Variants in KLRB1 observed in about 807,000 individuals in gnomAD.
KLRB1 encodes the protein killer cell lectin-like receptor subfamily B member 1.
Under a neutral mutation model 33.5 loss-of-function variants are expected in KLRB1, and 27 were observed. That is an observed-to-expected ratio of 0.81 (90% CI 0.59 to 1.11). The LOEUF (loss-of-function observed/expected upper bound fraction) is 1.11, where lower values mean the gene tolerates loss of function less well. Ranked by LOEUF, KLRB1 falls within the 50% of genes most tolerant of loss-of-function variation. The probability of loss-of-function intolerance (pLI) is 0.00; values close to 1 mark genes in which losing one functional copy is unlikely to be tolerated. For missense variants in KLRB1, 241 were observed against 254.1 expected (o/e 0.95, Z 0.35); for synonymous variants, 64 against 88.9 (o/e 0.72, Z 1.58).
At chr12:9,607,630 C>A (rs1270882358) in intron 1 of KLRB1, 125 bp downstream of exon 1, 2 of 653,704 alleles carry the variant, frequency 3.1e-6, no homozygotes, top group Admixed American at 2.8e-5. Flanking sequence ...CCATGCAACA[C>A]CCGTTAAACA....
chr12:9,603,838 T>G (rs1290658754), intron 1 of KLRB1, among the ~76,000 whole-genome samples: 2 of 152,142 alleles, frequency 1.3e-5, no homozygotes, highest in African/African-American at 4.8e-5. Flanking sequence ...GAACATGTTA[T>G]TTTGGAAAAT....
rs1368458977 is a variant in KLRB1 at position 9,595,227 on chromosome 12, A to G, written c.*47T>C. 2 of 1,560,624 alleles carry G rather than the reference A, an allele frequency of 1.3e-6. No homozygotes were observed. The highest frequency in any genetic ancestry group is 1.4e-5 in the African/African-American group (1 of 73,734). ...ACCAATAGTATGTGCAGCTACAAGTACAGAGATCAGTAATGGGAAGCAAAT... is the reference window on the plus strand; with the variant it reads ...ACCAATAGTATGTGCAGCTACAAGTGCAGAGATCAGTAATGGGAAGCAAAT... On this transcript the variant is annotated 3_prime_UTR_variant, in exon 6 of 6. Transcript: ENST00000229402.
chr12:9,606,707 A>ATATTTTTTTTTTTTTTTTTTTTT (rs1864605364), intron 1 of KLRB1, among the ~76,000 whole-genome samples: 1 of 64,204 alleles, frequency 1.6e-5, no homozygotes, highest in Non-Finnish European at 3.3e-5. Flanking sequence ...ATATATATAT[A>ATATTTTTTTTTTTTTTTTTTTTT]AAATATATAA....
intron 1 of KLRB1, among the ~76,000 whole-genome samples, chr12:9,607,212 T>TTTCC (rs760188939): frequency 3.3e-5 from 5 of 151,806 alleles, no homozygotes; most frequent in Non-Finnish European, 1.5e-5. Context: ...GTAAAATATT[T>TTTCC]TTCCTTCCTT....
chr12:9,595,080 G>T lies in KLRB1; in HGVS notation c.*194C>A. On this transcript the variant is annotated 3_prime_UTR_variant, in exon 6 of 6. Transcript: ENST00000229402. ...TAAAACGATGCACGTTTTTCTCTAT[G>T]TCTCTGTTTCCTCATTTAATAGAAT... The T allele has an allele frequency of 3.6e-6, 2 of 557,452 alleles. No homozygotes were observed. The highest frequency in any genetic ancestry group is 2.9e-5 in the East Asian group (1 of 34,206). The allele number at this position is 557,452 out of a possible 1,614,324, so 34.5% of individuals were successfully genotyped here. A position where few individuals can be genotyped will look rare whatever the true frequency, so the allele number is the denominator to read the frequency against.
chr12:9,605,376 T>G (rs989361652), intron 1 of KLRB1, among the ~76,000 whole-genome samples: 1 of 152,206 alleles, frequency 6.6e-6, no homozygotes, highest in African/African-American at 2.4e-5. Context: ...CTGGGTCAAA[T>G]GGTATTTCTA....
intron 1 of KLRB1, among the ~76,000 whole-genome samples, chr12:9,601,832 C>T (rs183940297): frequency 7.2e-5 from 11 of 152,158 alleles, no homozygotes; most frequent in South Asian, 2.1e-4. Context: ...AAAATATGAA[C>T]GCTTATGCAT....
At chr12:9,597,182 T>G (rs1864499032) in intron 5 of KLRB1, among the ~76,000 whole-genome samples, 1 of 152,182 alleles carries the variant, frequency 6.6e-6, no homozygotes, top group African/African-American at 2.4e-5. Context: ...TTTAACCTCT[T>G]GTTTTTTGAG....
At chr12:9,607,462 A>G (rs998892943) in intron 1 of KLRB1, among the ~76,000 whole-genome samples, 2 of 147,814 alleles carry the variant, frequency 1.4e-5, no homozygotes. Context: ...GGGGTAACCA[A>G]TAGGCAGTGT....
intron 5 of KLRB1, among the ~76,000 whole-genome samples, chr12:9,595,809 A>G (rs955167361): frequency 1.3e-5 from 2 of 152,202 alleles, no homozygotes; most frequent in Admixed American, 6.6e-5. Context: ...TAGGGGAGGC[A>G]TGGAGATGAA....
At chr12:9,597,484 A>G (rs1336141184) in intron 5 of KLRB1, among the ~76,000 whole-genome samples, 1 of 152,134 alleles carries the variant, frequency 6.6e-6, no homozygotes, top group Non-Finnish European at 1.5e-5. Context: ...AGCATGTCAC[A>G]CTGAAGAGAA....
intron 1 of KLRB1, among the ~76,000 whole-genome samples, chr12:9,605,506 C>G (rs930398169): frequency 2.0e-5 from 3 of 152,198 alleles, no homozygotes; most frequent in Admixed American, 6.5e-5. Context: ...CACAGCATGC[C>G]TGGTGCAGAG....
chr12:9,595,534 A>T (rs1864484667), intron 5 of KLRB1, 113 bp from the exon 6 acceptor site: 2 of 944,550 alleles, frequency 2.1e-6, no homozygotes, highest in Admixed American at 4.2e-5. Flanking sequence ...AAACTATTAA[A>T]CAAAGAAGGC....
chr12:9,604,199 A>C (rs1326419787), intron 1 of KLRB1, among the ~76,000 whole-genome samples: 2 of 152,148 alleles, frequency 1.3e-5, no homozygotes, highest in African/African-American at 4.8e-5. Flanking sequence ...GAATCACTAC[A>C]GGGGTCCGGC....
At chr12:9,598,929 A>G (rs1864516019) in intron 3 of KLRB1, among the ~76,000 whole-genome samples, 1 of 152,204 alleles carries the variant, frequency 6.6e-6, no homozygotes, top group South Asian at 2.1e-4. Flanking sequence ...AAACTGCCAC[A>G]TCTTACATTT....
chr12:9,602,210 A>G (rs535614197), intron 1 of KLRB1, among the ~76,000 whole-genome samples: 8 of 152,242 alleles, frequency 5.3e-5, no homozygotes, highest in Non-Finnish European at 1.0e-4. Flanking sequence ...CTAGTATAAC[A>G]TAACATGCGC....
intron 1 of KLRB1, among the ~76,000 whole-genome samples, chr12:9,605,284 G>A (rs1864587053): frequency 3.9e-5 from 6 of 152,180 alleles, no homozygotes. Flanking sequence ...TGTGAATGCT[G>A]CCGCAATAAA....
intron 1 of KLRB1, among the ~76,000 whole-genome samples, chr12:9,603,390 T>TCCA: frequency 6.6e-6 from 1 of 152,216 alleles, no homozygotes; most frequent in South Asian, 2.1e-4. Flanking sequence ...TGGAGAAAGC[T>TCCA]CTGTATAGTC....
At chr12:9,607,260 T>TTCTTTCTTTTTC (rs1864616542) in intron 1 of KLRB1, among the ~76,000 whole-genome samples, 1 of 133,358 alleles carries the variant, frequency 7.5e-6, no homozygotes, top group Admixed American at 7.3e-5. Flanking sequence ...CTCTTTTTCT[T>TTCTTTCTTTTTC]TCTTTCCTTT....
Sources: allele counts gnomAD v4.1 joint callset (sites outside exome capture counted in the v4.1 genomes callset), GRCh38; gene constraint gnomAD v4.1.1; transcripts MANE v1.5; gene names NCBI Gene and HGNC (gene_info 2026-07-23, HGNC 2026-07-21).